Variants in SLC2A12 observed in about 807,000 individuals in gnomAD.
SLC2A12 encodes solute carrier family 2 member 12.
A neutral mutation model predicts 41.8 loss-of-function variants in SLC2A12; 23 were observed. The observed-to-expected ratio is 0.55, with a 90% confidence interval of 0.40 to 0.78. SLC2A12 has a LOEUF of 0.78. SLC2A12 is among the 30% of genes least tolerant of loss of function. The pLI is 0.00. For missense variants in SLC2A12, 654 were observed against 745.6 expected (o/e 0.88, Z 1.43); for synonymous variants, 295 against 285.9 (o/e 1.03, Z -0.32).
intron 1 of SLC2A12, among the ~76,000 whole-genome samples, chr6:134,043,014 A>G (rs1479271459): frequency 6.6e-6 from 1 of 151,930 alleles, no homozygotes; most frequent in African/African-American, 2.4e-5. Context: ...AAACACACAC[A>G]CACACCCCAA....
rs1776557978 is a variant in SLC2A12, at chr6:133,987,677, GT to G, written c.*3477del. On this transcript the variant is annotated 3_prime_UTR_variant, in exon 5 of 5. Transcript: ENST00000275230. ...ATATATATATATATATGCACCACAT[GT>G]GTATAGTATCTTTTAATGCTCTGTT... 7.3e-6 allele frequency: 1 copy of G among 137,922 alleles called. No homozygotes were observed. Among genetic ancestry groups the G allele is most frequent in the African/African-American group, 2.8e-5 (1 of 36,278 alleles). The allele number at this position is 137,922 out of a possible 1,614,324, so 8.5% of individuals were successfully genotyped here.
chr6:134,031,414 A>G (rs1777204767), intron 1 of SLC2A12, among the ~76,000 whole-genome samples: 2 of 112,158 alleles, frequency 1.8e-5, no homozygotes, highest in African/African-American at 7.2e-5. Flanking sequence ...AAAACAAAAA[A>G]CAAACAACAA....
intron 3 of SLC2A12, 91 bp downstream of exon 3, chr6:134,006,721 T>C: frequency 6.6e-7 from 1 of 1,508,944 alleles, no homozygotes; most frequent in Non-Finnish European, 8.9e-7. Context: ...TTTGAAAATT[T>C]CCACGAAAAA....
At position 133,997,118 on chromosome 6, in the gene SLC2A12, G is replaced by A. The variant is rs1283562343; in HGVS notation, c.1700+4879C>T. 8.1e-5 allele frequency among the ~76,000 whole-genome samples: 12 copies of A among 149,020 alleles called. No individual in the cohort carries two copies. The South Asian group carries it at 2.1e-3, about 27-fold the overall frequency. On this transcript the variant is annotated intron_variant, in intron 4 of 4. Transcript: ENST00000275230. ...AAAAAAAAAAAAAAAAAAGCCGGGC[G>A]TGGCAGCAGGCGCCTGTAGTCCCAG...
intron 2 of SLC2A12, 122 bp from the exon 3 acceptor site, chr6:134,007,056 C>T: frequency 2.1e-6 from 2 of 950,318 alleles, no homozygotes; most frequent in Non-Finnish European, 1.5e-6. Context: ...TGGGAAGCAC[C>T]ATTTCCTACC....
intron 1 of SLC2A12, 22 bp downstream of exon 1, chr6:134,052,356 G>A (rs752378109): frequency 6.2e-7 from 1 of 1,602,024 alleles, no homozygotes; most frequent in South Asian, 1.1e-5. Flanking sequence ...GCGGTCACCC[G>A]AGCACTGCAG....
At chr6:134,014,095 G>T (rs760461522) in intron 2 of SLC2A12, among the ~76,000 whole-genome samples, 7 of 152,144 alleles carry the variant, frequency 4.6e-5, no homozygotes, top group Non-Finnish European at 1.0e-4. Flanking sequence ...TTGGCACCAG[G>T]GACTGGTTTT....
chr6:134,032,559 G>A (rs1777233432), intron 1 of SLC2A12, among the ~76,000 whole-genome samples: 1 of 145,054 alleles, frequency 6.9e-6, no homozygotes, highest in Non-Finnish European at 1.5e-5. Context: ...GAATTTAGCT[G>A]TGGTCTCAGT....
chr6:134,013,390 T>C (rs1400930668), intron 2 of SLC2A12, among the ~76,000 whole-genome samples: 1 of 152,170 alleles, frequency 6.6e-6, no homozygotes, highest in Admixed American at 6.5e-5. Flanking sequence ...TGAATTAAGC[T>C]ATTAGCATAA....
At chr6:134,037,793 C>CTCA (rs1777324354) in intron 1 of SLC2A12, among the ~76,000 whole-genome samples, 1 of 152,144 alleles carries the variant, frequency 6.6e-6, no homozygotes, top group Non-Finnish European at 1.5e-5. Flanking sequence ...GGTGCCAGTG[C>CTCA]TCAGTAGAGG....
At chr6:134,021,471 A>G (rs1189857406) in intron 2 of SLC2A12, among the ~76,000 whole-genome samples, 1 of 152,210 alleles carries the variant, frequency 6.6e-6, no homozygotes, top group Non-Finnish European at 1.5e-5. Flanking sequence ...TACAGAAGTA[A>G]TACCCTATTG....
intron 1 of SLC2A12, among the ~76,000 whole-genome samples, chr6:134,049,008 G>A (rs6899684): frequency 4.6e-5 from 7 of 152,140 alleles, no homozygotes; most frequent in Admixed American, 1.3e-4. Context: ...AGCTAAACCC[G>A]GGAGAACAGC....
At chr6:134,012,140 A>T (rs1476688165) in intron 2 of SLC2A12, among the ~76,000 whole-genome samples, 1 of 152,198 alleles carries the variant, frequency 6.6e-6, no homozygotes, top group African/African-American at 2.4e-5. Context: ...TCTTTTTTGT[A>T]TTCTCAGTCT....
intron 1 of SLC2A12, among the ~76,000 whole-genome samples, chr6:134,043,128 C>T (rs1777405946): frequency 6.6e-6 from 1 of 152,000 alleles, no homozygotes; most frequent in Admixed American, 6.6e-5. Flanking sequence ...TAAAAATCTA[C>T]AAAGAGCTTA....
chr6:134,033,207 A>G (rs1401883399), intron 1 of SLC2A12, among the ~76,000 whole-genome samples: 1 of 152,114 alleles, frequency 6.6e-6, no homozygotes. Context: ...TTGTGTTCCA[A>G]GTATAATGGG....
intron 2 of SLC2A12, 56 bp downstream of exon 2, chr6:134,028,325 A>G (rs1212377665): frequency 2.0e-6 from 3 of 1,531,832 alleles, no homozygotes; most frequent in Non-Finnish European, 2.6e-6. Context: ...GAGGTACTAT[A>G]GCAGTAGGAT....
In SLC2A12 at chr6:133,991,095, G is replaced by A. The variant is rs984597898; in HGVS notation, c.*60C>T. ...GCACAGGAGTCGCAACTATGCATTG[G>A]TCCAAAGACACCCTCCTAAGTGTTC... is the stretch of plus-strand genomic sequence containing the variant. On this transcript the variant is annotated 3_prime_UTR_variant, in exon 5 of 5. Transcript: ENST00000275230. 1 of 1,550,332 alleles carries A rather than the reference G, an allele frequency of 6.5e-7. No individual in the cohort carries two copies.
At chr6:134,009,233 A>T (rs200673521) in intron 2 of SLC2A12, 2 of 152,226 alleles carry the variant, frequency 1.3e-5, no homozygotes, top group East Asian at 3.8e-4. Context: ...TATTCATTCA[A>T]TATAGCAGCT....
intron 2 of SLC2A12, among the ~76,000 whole-genome samples, chr6:134,024,263 G>A (rs1364848203): frequency 4.6e-5 from 7 of 152,150 alleles, no homozygotes; most frequent in Admixed American, 2.0e-4. Flanking sequence ...TTTGTCTACC[G>A]GATTCAGTGA....
Sources: gnomAD v4.1 joint callset for allele counts (sites outside exome capture counted in the v4.1 genomes callset) on GRCh38, gnomAD v4.1.1 for gene constraint, MANE v1.5 for transcripts, NCBI Gene and HGNC (gene_info 2026-07-23, HGNC 2026-07-21) for gene names.